Variants in SIGLEC7 observed in about 807,000 individuals in gnomAD.
SIGLEC7 encodes sialic acid binding Ig like lectin 7.
SIGLEC7 carries 33 observed loss-of-function variants against 40.8 expected under a neutral mutation model. The ratio of observed to expected loss-of-function variants is 0.81; its 90% CI spans 0.61 to 1.08. SIGLEC7 has a LOEUF of 1.08. Ranked by LOEUF, SIGLEC7 falls within the 50% of genes least tolerant of loss-of-function variation. SIGLEC7 has a pLI of 0.00. For synonymous variants in SIGLEC7, 242 were observed against 237.6 expected (o/e 1.02, Z -0.17); for missense variants, 513 against 576.1 (o/e 0.89, Z 1.12).
chr19:51,146,797 G>C lies in SIGLEC7; in HGVS notation c.1071G>C (p.Gly357=). The change falls in exon 5 of 7, where the codon GGG becomes GGC. Residue 357 remains glycine (G), a synonymous_variant. Coordinates refer to ENST00000317643, the MANE Select transcript of SIGLEC7 (RefSeq NM_014385.4). ...CAGGAGTGTTGCTGGGGGCGGTCGGGGGAGCTGGAGCCACAGCCCTGGTCT... is the reference window on the plus strand; with the variant it reads ...CAGGAGTGTTGCTGGGGGCGGTCGGCGGAGCTGGAGCCACAGCCCTGGTCT... The part of the protein sequence containing the change: ...PVSGVLLGAV[G]GAGATALVFL... 1 of 1,613,878 alleles carries C rather than the reference G, an allele frequency of 6.2e-7. No homozygotes were observed. Among genetic ancestry groups the C allele is most frequent in the Non-Finnish European group, 8.5e-7 (1 of 1,179,914 alleles).
At chr19:51,149,401 G>T (rs779351450) in intron 6 of SIGLEC7, among the ~76,000 whole-genome samples, 6 of 152,150 alleles carry the variant, frequency 3.9e-5, no homozygotes, top group Non-Finnish European at 7.4e-5. Flanking sequence ...ACCATTTATT[G>T]AATCAGGAGT....
In SIGLEC7 at chr19:51,146,108, A is replaced by G; in HGVS notation, c.1014A>G (p.Gln338=). ...ACGTTTCCCTGAACCTCTCCCTGCA[A>G]CAGGAGTACACAGGTGGGTAAGGGA... ...SQHVSLNLSL[Q]QEYTGKMRPV... Residue 338 remains glutamine, a synonymous_variant, in exon 4 of 7, where the codon CAA becomes CAG. Transcript: ENST00000317643. 2.5e-6 allele frequency: 4 copies of G among 1,613,980 alleles called. No individual in the cohort carries two copies. The highest frequency in any genetic ancestry group is 3.4e-6 in the Non-Finnish European group (4 of 1,179,866).
At chr19:51,150,181 C>T (rs774229340) in intron 6 of SIGLEC7, among the ~76,000 whole-genome samples, 6 of 152,136 alleles carry the variant, frequency 3.9e-5, no homozygotes, top group Non-Finnish European at 5.9e-5. Flanking sequence ...TCCAATACTA[C>T]GTTAAACAGG....
In SIGLEC7 at chr19:51,146,139, TGGA is replaced by T. The variant is rs548562460; in HGVS notation, c.1027+26_1027+28del. 4,376 of 1,610,206 alleles carry T rather than the reference TGGA, an allele frequency of 2.7e-3. 7 individuals are homozygous for T. The highest frequency in any genetic ancestry group is 3.3e-3 in the Non-Finnish European group (3,841 of 1,177,500). On this transcript the variant is annotated intron_variant, in intron 4 of 6. Transcript: ENST00000317643. ...GTACACAGGTGGGTAAGGGAGGGGC[TGGA>T]GGAGGAGAACACACCTGCCCCACCC...
chr19:51,149,850 A>C (rs1464642062), intron 6 of SIGLEC7, among the ~76,000 whole-genome samples: 1 of 152,130 alleles, frequency 6.6e-6, no homozygotes, highest in Non-Finnish European at 1.5e-5. Context: ...TTCTCATTGT[A>C]GAGTTCTTTC....
Position 51,144,580 on chromosome 19 carries a change from C to T in SIGLEC7, c.608C>T (p.Thr203Ile), listed in dbSNP as rs373735842. The change falls in exon 2 of 7, where the codon ACC (threonine) becomes ATC (isoleucine). Residue 203 changes from threonine (T) to isoleucine (I), a missense_variant. Transcript: ENST00000317643. ...HPSTTRSSVL[T>I]LIPQPQHHGT... Reference sequence around the variant, plus strand: ...TCCACCACCCGCTCCTCAGTGCTCACCCTCATCCCACAGCCCCAGCACCAC... The same window carrying T: ...TCCACCACCCGCTCCTCAGTGCTCATCCTCATCCCACAGCCCCAGCACCAC... The T allele has an allele frequency of 6.2e-7, 1 of 1,613,758 alleles. No individual in the cohort carries two copies. The highest frequency in any genetic ancestry group is 2.2e-5 in the East Asian group (1 of 44,876).
rs2092095945 is a variant in SIGLEC7, at chr19:51,144,743, G to A, written c.712+59G>A. 8.8e-6 allele frequency: 14 copies of A among 1,593,660 alleles called. No individual in the cohort carries two copies. The South Asian group carries it at 1.4e-4, about 15-fold the overall frequency. On this transcript the variant is annotated intron_variant, in intron 2 of 6. Coordinates refer to ENST00000317643, the MANE Select transcript of SIGLEC7 (RefSeq NM_014385.4). ...TGAGGGGGGGACGTCCCTGAGGGCAGAGGATGGGGTCAGGGCTCGACACTG... is the reference window on the plus strand; with the variant it reads ...TGAGGGGGGGACGTCCCTGAGGGCAAAGGATGGGGTCAGGGCTCGACACTG...
At chr19:51,146,872 G>A in intron 5 of SIGLEC7, 22 bp downstream of exon 5, 1 of 1,606,364 alleles carries the variant, frequency 6.2e-7, no homozygotes, top group Non-Finnish European at 8.5e-7. Context: ...CCCTAGGGAG[G>A]GAGGGAGAGT....
chr19:51,151,056 G>T (rs979095605), intron 6 of SIGLEC7, among the ~76,000 whole-genome samples: 4 of 152,164 alleles, frequency 2.6e-5, no homozygotes, highest in African/African-American at 9.7e-5. Flanking sequence ...AGAAGAGACC[G>T]TGTGTGTGGC....
chr19:51,143,347 C>A (rs555755462), intron 1 of SIGLEC7, among the ~76,000 whole-genome samples: 2 of 152,040 alleles, frequency 1.3e-5, no homozygotes, highest in South Asian at 2.1e-4. Flanking sequence ...ACTCAGCACA[C>A]GGCCCCTCCA....
In SIGLEC7 at chr19:51,142,402, G is replaced by T; in HGVS notation, c.33G>T (p.Trp11Cys). 1 of 1,614,068 alleles carries T rather than the reference G, an allele frequency of 6.2e-7. No individual in the cohort carries two copies. MLLLLLLPLL[W>C]GRERVEGQKS... Reference sequence around the variant, plus strand: ...TGCTGCTGCTGCTGCCCCTGCTCTGGGGGAGGGAGAGGGTGGAAGGACAGA... The same window carrying T: ...TGCTGCTGCTGCTGCCCCTGCTCTGTGGGAGGGAGAGGGTGGAAGGACAGA... Residue 11 changes from tryptophan (W) to cysteine (C), a missense_variant, in exon 1 of 7, where the codon TGG becomes TGT. Coordinates refer to ENST00000317643, the MANE Select transcript of SIGLEC7 (RefSeq NM_014385.4). This position sits in a 1 kb window ranked among gnomAD's most constrained non-coding sequence, Gnocchi z 5.0.
intron 4 of SIGLEC7, among the ~76,000 whole-genome samples, chr19:51,146,325 G>A (rs576555256): frequency 1.3e-5 from 2 of 152,290 alleles, no homozygotes; most frequent in African/African-American, 4.8e-5. Flanking sequence ...GTGGGTCTTG[G>A]AGGGGAGGAG....
chr19:51,147,311 C>T lies in SIGLEC7; in HGVS notation c.1215C>T (p.Ala405=). The T allele has an allele frequency of 6.2e-7, 1 of 1,609,316 alleles. No individual in the cohort carries two copies. Among genetic ancestry groups the T allele is most frequent in the South Asian group, 1.1e-5 (1 of 91,000 alleles). The stretch of plus-strand genomic sequence containing the variant: ...ATGCAAACACCATCAGGGGCTCAGC[C>T]TCTCAGGTGAGTGATATGGGCGTCT... ...MKDANTIRGS[A]SQGNLTESWA... is the part of the protein sequence containing the mutation. Residue 405 remains alanine (A), a synonymous_variant, in exon 6 of 7, where the codon GCC becomes GCT. Transcript: ENST00000317643.
At chr19:51,151,630 A>G (rs2092144310) in intron 6 of SIGLEC7, among the ~76,000 whole-genome samples, 1 of 152,194 alleles carries the variant, frequency 6.6e-6, no homozygotes, top group South Asian at 2.1e-4. Context: ...GGTGAGGTGG[A>G]CCCAGAAAAG....
chr19:51,144,720 A>C (rs1568620260), intron 2 of SIGLEC7, 36 bp downstream of exon 2: 2 of 1,603,472 alleles, frequency 1.2e-6, no homozygotes, highest in Admixed American at 1.7e-5. Context: ...GTCCCTGATG[A>C]GGGGGGGACG....
chr19:51,143,871 T>C, intron 1 of SIGLEC7: 1 of 443,668 alleles, frequency 2.3e-6, no homozygotes, highest in South Asian at 1.8e-5. Flanking sequence ...GTGCTGGAGT[T>C]GGTGATGGTG....
At chr19:51,150,200 G>A (rs2092134994) in intron 6 of SIGLEC7, among the ~76,000 whole-genome samples, 1 of 152,208 alleles carries the variant, frequency 6.6e-6, no homozygotes, top group Admixed American at 6.5e-5. Context: ...GGAGTGGTGA[G>A]AGAGGGCATC....
chr19:51,145,674 T>C lies in SIGLEC7; in HGVS notation c.761-181T>C, dbSNP rs528134634. On this transcript the variant is annotated intron_variant, in intron 3 of 6. Coordinates refer to ENST00000317643, the MANE Select transcript of SIGLEC7 (RefSeq NM_014385.4). The surrounding 1 kb of genome is among the most constrained non-coding windows in gnomAD (Gnocchi z 4.3). ...ATGTTCTTTCTGATTTTGAAAGATA[T>C]GGTGAAGTTGTCCTCAAATAAAGGT... is the stretch of plus-strand genomic sequence containing the variant. 1.1e-3 allele frequency among the ~76,000 whole-genome samples: 163 copies of C among 152,350 alleles called. No individual in the cohort carries two copies. The highest frequency in any genetic ancestry group is 2.0e-3 in the Non-Finnish European group (138 of 68,022).
At chr19:51,149,433 T>G (rs1005417371) in intron 6 of SIGLEC7, among the ~76,000 whole-genome samples, 3 of 152,244 alleles carry the variant, frequency 2.0e-5, no homozygotes, top group African/African-American at 7.2e-5. Flanking sequence ...TGCTTTTTTT[T>G]GTCAGCTTTG....
Sources: gnomAD v4.1 joint callset for allele counts (sites outside exome capture counted in the v4.1 genomes callset) on GRCh38, gnomAD v4.1.1 for gene constraint, Gnocchi (gnomAD v3.1) non-coding constraint, MANE v1.5 for transcripts, NCBI Gene and HGNC (gene_info 2026-07-23, HGNC 2026-07-21) for gene names.